Variants in KALRN observed in about 807,000 individuals in gnomAD.
KALRN encodes kalirin.
Under a neutral mutation model 353.7 loss-of-function variants are expected in KALRN, and 70 were observed. That is an observed-to-expected ratio of 0.20 (90% CI 0.16 to 0.24). The LOEUF is 0.24. Ranked by LOEUF, KALRN falls within the 10% of genes least tolerant of loss-of-function variation. KALRN has a pLI of 1.00. For missense variants in KALRN, 2,791 were observed against 3,756.7 expected (o/e 0.74, Z 6.72); for synonymous variants, 1,391 against 1,434.8 (o/e 0.97, Z 0.69).
intron 1 of KALRN, among the ~76,000 whole-genome samples, chr3:124,102,103 C>G (rs1317750392): frequency 1.3e-5 from 2 of 152,048 alleles, no homozygotes; most frequent in African/African-American, 4.8e-5. Context: ...CTCATTTGAG[C>G]CAAATATTCA....
At chr3:124,597,916 G>T (rs34853315) in intron 34 of KALRN, among the ~76,000 whole-genome samples, 23,527 of 152,112 alleles carry the variant, frequency 0.15, 1,947 homozygotes, top group Middle Eastern at 0.19. Flanking sequence ...ATATATCTCT[G>T]TAGAGAAGAT....
At chr3:124,199,268 G>A (rs187075916) in intron 1 of KALRN, among the ~76,000 whole-genome samples, 6 of 152,284 alleles carry the variant, frequency 3.9e-5, no homozygotes, top group Middle Eastern at 3.4e-3. Context: ...CAGGGCTCCA[G>A]AGCCCATTCT....
intron 21 of KALRN, among the ~76,000 whole-genome samples, chr3:124,454,013 G>A (rs192940773): frequency 6.6e-5 from 10 of 152,108 alleles, no homozygotes; most frequent in Middle Eastern, 3.4e-3. Flanking sequence ...ACAGTACTAC[G>A]GACCAAGTAG....
chr3:124,312,174 C>A (rs535320427), intron 6 of KALRN, among the ~76,000 whole-genome samples: 2 of 152,130 alleles, frequency 1.3e-5, no homozygotes, highest in African/African-American at 4.8e-5. Context: ...CATTTCATTT[C>A]ATTTAGACAG....
At chr3:124,599,644 G>A (rs542308848) in intron 34 of KALRN, among the ~76,000 whole-genome samples, 47 of 152,298 alleles carry the variant, frequency 3.1e-4, no homozygotes, top group African/African-American at 1.1e-3. Flanking sequence ...CATTTGGGAC[G>A]TTGTACTCAG....
rs191522193 is a variant in KALRN at position 124,139,938 on chromosome 3, C to T, written c.74-88052C>T. On this transcript the variant is annotated intron_variant, in intron 1 of 59. Transcript: ENST00000682506. ...GGAGATAGAAGTGGCTTTTCTGTTG[C>T]GCTTTGCCGTGCTCTCTGGAGAGGT... 4.3e-4 allele frequency among the ~76,000 whole-genome samples: 65 copies of T among 152,190 alleles called. No homozygotes were observed. The East Asian group carries it at 6.6e-3, about 15-fold the overall frequency.
intron 34 of KALRN, among the ~76,000 whole-genome samples, chr3:124,605,320 C>T (rs7629317): frequency 0.6 from 90,320 of 151,356 alleles, 27,146 homozygotes; most frequent in East Asian, 0.83. Flanking sequence ...CCTGTAATCC[C>T]AGCACTTTGG....
chr3:124,169,829 G>A (rs1296745868), intron 1 of KALRN, among the ~76,000 whole-genome samples: 7 of 152,304 alleles, frequency 4.6e-5, no homozygotes, highest in Non-Finnish European at 7.3e-5. Flanking sequence ...TGTCCTGAAC[G>A]TGGGAGTAGT....
chr3:124,660,250 A>G (rs2084669779), intron 43 of KALRN, among the ~76,000 whole-genome samples: 1 of 152,176 alleles, frequency 6.6e-6, no homozygotes, highest in African/African-American at 2.4e-5. Context: ...ATTTTAAACA[A>G]TGGCTTAACT....
chr3:124,347,357 G>A, intron 10 of KALRN, 92 bp downstream of exon 10: 1 of 1,418,912 alleles, frequency 7.0e-7, no homozygotes, highest in South Asian at 1.3e-5. Flanking sequence ...TGAAGAGGTG[G>A]CTCAGGTGAG....
At chr3:124,571,199 A>G (rs2073475622) in intron 34 of KALRN, among the ~76,000 whole-genome samples, 1 of 152,258 alleles carries the variant, frequency 6.6e-6, no homozygotes, top group African/African-American at 2.4e-5. Context: ...CCTAAGCTAT[A>G]TAAGCCTAGC....
intron 1 of KALRN, among the ~76,000 whole-genome samples, chr3:124,133,290 AC>A (rs2065524059): frequency 6.6e-6 from 1 of 152,224 alleles, no homozygotes; most frequent in African/African-American, 2.4e-5. Flanking sequence ...AAGCTGGGTG[AC>A]AGTATTTTAG....
At chr3:124,398,658 A>G in intron 12 of KALRN, 39 bp from the exon 13 acceptor site, 3 of 1,608,554 alleles carry the variant, frequency 1.9e-6, no homozygotes, top group Non-Finnish European at 2.6e-6. Context: ...TAACATGGAA[A>G]GGCCTCTCCC....
intron 34 of KALRN, among the ~76,000 whole-genome samples, chr3:124,573,572 C>A (rs2073781098): frequency 6.6e-6 from 1 of 152,068 alleles, no homozygotes. Flanking sequence ...CATGATCAGG[C>A]CTCACTGCAG....
At chr3:124,079,126 G>C (rs2060407995) in intron 1 of KALRN, among the ~76,000 whole-genome samples, 1 of 152,226 alleles carries the variant, frequency 6.6e-6, no homozygotes, top group African/African-American at 2.4e-5. Flanking sequence ...CCTACAGATA[G>C]TTCTTCTTGG....
rs201905861 is a variant in KALRN, at chr3:124,277,659, C to T, written c.969+8404C>T. 4.6e-5 allele frequency among the ~76,000 whole-genome samples: 7 copies of T among 152,234 alleles called. No individual in the cohort carries two copies. In the East Asian group the frequency reaches 9.7e-4, roughly 21 times the overall value. On this transcript the variant is annotated intron_variant, in intron 5 of 59. Transcript: ENST00000682506. The stretch of plus-strand genomic sequence containing the variant: ...CCTGCATTTTCAGCCCCATTTGTAT[C>T]CTGAGATTAGCACGCCTGCAGGAGG...
intron 8 of KALRN, among the ~76,000 whole-genome samples, chr3:124,333,066 A>G (rs1054233057): frequency 2.0e-5 from 3 of 152,234 alleles, no homozygotes; most frequent in African/African-American, 4.8e-5. Flanking sequence ...CATGTCTTAC[A>G]TGGTGGCAGT....
chr3:124,518,789 G>A (rs1187662970), intron 33 of KALRN: 2 of 1,252,412 alleles, frequency 1.6e-6, no homozygotes, highest in Admixed American at 3.6e-5. Flanking sequence ...CAGAACAGCA[G>A]GTACGCCCAG....
At chr3:124,274,982 T>C (rs746735792) in intron 5 of KALRN, among the ~76,000 whole-genome samples, 2 of 152,240 alleles carry the variant, frequency 1.3e-5, no homozygotes, top group Non-Finnish European at 2.9e-5. Flanking sequence ...GTATCAATTG[T>C]GAGACATTAG....
Sources: gnomAD v4.1 joint callset for allele counts (sites outside exome capture counted in the v4.1 genomes callset) on GRCh38, gnomAD v4.1.1 for gene constraint, MANE v1.5 for transcripts, NCBI Gene and HGNC (gene_info 2026-07-23, HGNC 2026-07-21) for gene names.